The following ATRX variants were observed in gnomAD, a reference collection of about 807,000 sequenced individuals.
The protein encoded by ATRX is chromatin remodeler ATRX.
A neutral mutation model predicts 172.6 loss-of-function variants in ATRX; 12 were observed. The observed-to-expected ratio is 0.07, with a 90% CI of 0.04 to 0.11. The LOEUF is 0.11. ATRX is among the 10% of genes least tolerant of loss of function. The probability of loss-of-function intolerance (pLI) is 1.00; values close to 1 mark genes in which losing one functional copy is unlikely to be tolerated. For synonymous variants in ATRX, 674 were observed against 594.7 expected (o/e 1.13, Z -1.94); for missense variants, 1,368 against 1,767.4 (o/e 0.77, Z 4.05).
chrX:77,741,439 T>TG lies in ATRX; in HGVS notation c.21-24197_21-24196insC, dbSNP rs2074863903. On this transcript the variant is annotated intron_variant, in intron 1 of 34. Transcript: ENST00000373344. ...TATTCTCTTGATAGTGACCTTTTTT[T>TG]TGGGGGGGGGATTGCTTCATTTTGT... Among the ~76,000 whole-genome samples, 383 of 104,513 alleles carry TG rather than the reference T, an allele frequency of 3.7e-3. 5 individuals carry two copies. Among genetic ancestry groups the TG allele is most frequent in the Admixed American group, 7.4e-3 (71 of 9,614 alleles). 90.8% of individuals were successfully genotyped at this position (104,513 alleles called of 115,157 possible).
chrX:77,766,493 C>G (rs2075945551), intron 1 of ATRX, among the ~76,000 whole-genome samples: 1 of 108,653 alleles, frequency 9.2e-6, no homozygotes, highest in African/African-American at 3.4e-5. Context: ...AGGGTCTCCT[C>G]ACTTCTCAGA....
chrX:77,627,808 G>C (rs1602947024), intron 19 of ATRX, among the ~76,000 whole-genome samples: 1 of 110,367 alleles, frequency 9.1e-6, no homozygotes, highest in Admixed American at 9.7e-5. Flanking sequence ...TGAAGCTACA[G>C]TGAGCTATAA....
intron 34 of ATRX, among the ~76,000 whole-genome samples, chrX:77,517,675 G>A (rs1475218767): frequency 9.0e-6 from 1 of 111,614 alleles, no homozygotes; most frequent in Non-Finnish European, 1.9e-5. Flanking sequence ...ATTCTATAAG[G>A]CCAGTAACAC....
intron 1 of ATRX, among the ~76,000 whole-genome samples, chrX:77,758,875 A>G (rs570086680): frequency 4.2e-4 from 47 of 112,468 alleles, no homozygotes; most frequent in African/African-American, 1.4e-3. Context: ...ATATTCTTCT[A>G]AAACATCATT....
intron 30 of ATRX, among the ~76,000 whole-genome samples, chrX:77,534,917 C>T (rs1327337231): frequency 2.7e-5 from 3 of 110,668 alleles, no homozygotes; most frequent in African/African-American, 9.8e-5. Context: ...AGGGGGTTTG[C>T]CATGTTTCAA....
chrX:77,645,682 T>C (rs1054757180), intron 15 of ATRX, among the ~76,000 whole-genome samples: 1 of 112,298 alleles, frequency 8.9e-6, no homozygotes, highest in Non-Finnish European at 1.9e-5. Context: ...CAAAATTTTG[T>C]TTCATAACCT....
At chrX:77,672,397 G>T (rs2070670487) in intron 10 of ATRX, among the ~76,000 whole-genome samples, 1 of 110,672 alleles carries the variant, frequency 9.0e-6, no homozygotes. Flanking sequence ...CTGAAATCAG[G>T]TAAACAATCA....
intron 1 of ATRX, among the ~76,000 whole-genome samples, chrX:77,726,773 A>G (rs1034337036): frequency 9.1e-6 from 1 of 110,359 alleles, no homozygotes; most frequent in Non-Finnish European, 1.9e-5. Context: ...TCCTGATATT[A>G]GCTAACTAAA....
chrX:77,744,106 A>G, intron 1 of ATRX, among the ~76,000 whole-genome samples: 1 of 112,488 alleles, frequency 8.9e-6, no homozygotes, highest in Non-Finnish European at 1.9e-5. Context: ...GCTTGAGACC[A>G]GGAGTTCAAG....
At position 77,716,323 on chromosome X, in the gene ATRX, AAT is replaced by A. The variant is rs1292367303; in HGVS notation, c.133+806_133+807del. Among the ~76,000 whole-genome samples, 104 of 21,027 alleles carry A rather than the reference AAT, an allele frequency of 4.9e-3. 1 individual carries two copies. The highest frequency in any genetic ancestry group is 9.7e-3 in the African/African-American group (58 of 6,001). The allele number at this position is 21,027 out of a possible 115,157, so 18.3% of individuals were successfully genotyped here. A position where few individuals can be genotyped will look rare whatever the true frequency, so the allele number is the denominator to read the frequency against. ...CTTTAAAAAAAAAAAAAAAAAAAAA[AAT>A]ATATATATATATATATATATATATC... On this transcript the variant is annotated intron_variant, in intron 2 of 34. Transcript: ENST00000373344.
intron 9 of ATRX, 132 bp downstream of exon 9, chrX:77,681,385 ACTC>A (rs1446470772): frequency 2.4e-4 from 144 of 590,699 alleles, no homozygotes; most frequent in Non-Finnish European, 3.6e-4. Flanking sequence ...TTTTTAATAA[ACTC>A]CTAAATAATT....
chrX:77,630,653 A>T (rs2068066325), intron 19 of ATRX, among the ~76,000 whole-genome samples: 1 of 112,270 alleles, frequency 8.9e-6, no homozygotes, highest in African/African-American at 3.2e-5. Context: ...TAGTCTTTTC[A>T]ACAAATGGTG....
chrX:77,763,412 T>C (rs1316032807), intron 1 of ATRX, among the ~76,000 whole-genome samples: 1 of 103,980 alleles, frequency 9.6e-6, no homozygotes, highest in East Asian at 3.1e-4. Flanking sequence ...CCCAAAGTGC[T>C]GGATTACAGG....
Position 77,633,839 on chromosome X carries a change from A to G in ATRX, c.4810-127T>C, listed in dbSNP as rs1157966136. ...AACGGCCAGAATTTCCAAACCAGGCAAGGCACAGGGAAAGAGATAGTAAAA... is the reference window on the plus strand; with the variant it reads ...AACGGCCAGAATTTCCAAACCAGGCGAGGCACAGGGAAAGAGATAGTAAAA... On this transcript the variant is annotated intron_variant, in intron 17 of 34. Transcript: ENST00000373344. 8.5e-6 allele frequency: 6 copies of G among 705,763 alleles called. No individual in the cohort carries two copies. In the African/African-American group the frequency reaches 1.3e-4, roughly 15 times the overall value. The allele number at this position is 705,763 out of a possible 1,213,427, so 58.2% of individuals were successfully genotyped here.
At chrX:77,762,065 G>C (rs782339221) in intron 1 of ATRX, among the ~76,000 whole-genome samples, 1 of 110,470 alleles carries the variant, frequency 9.1e-6, no homozygotes, top group Admixed American at 9.8e-5. Context: ...CATTTTGGGA[G>C]GCCGAGGCGG....
intron 30 of ATRX, among the ~76,000 whole-genome samples, chrX:77,549,246 G>A (rs1306866093): frequency 1.8e-5 from 2 of 111,257 alleles, no homozygotes; most frequent in Non-Finnish European, 3.8e-5. Flanking sequence ...TTAGCCAGGC[G>A]TGGTGGCGCA....
rs1557145444 is a variant in ATRX at position 77,688,795 on chromosome X, A to T, written c.594+23T>A. 4 of 1,126,881 alleles carry T rather than the reference A, an allele frequency of 3.5e-6. No homozygotes were observed. In the South Asian group the frequency reaches 7.3e-5, roughly 20 times the overall value. The allele number at this position is 1,126,881 out of a possible 1,213,427, so 92.9% of individuals were successfully genotyped here. A position where few individuals can be genotyped will look rare whatever the true frequency, so the allele number is the denominator to read the frequency against. On this transcript the variant is annotated intron_variant, in intron 7 of 34. Coordinates refer to ENST00000373344, the MANE Select transcript of ATRX (RefSeq NM_000489.6). ...AAGCATTCAAATATTTACGGTATGA[A>T]ATATCAACAGATCATTACATACCTT...
chrX:77,543,445 A>T (rs781826752), intron 30 of ATRX, among the ~76,000 whole-genome samples: 1 of 112,163 alleles, frequency 8.9e-6, no homozygotes, highest in South Asian at 3.7e-4. Flanking sequence ...TGACTCAGCG[A>T]TCCCATTACT....
At chrX:77,563,702 CGTGTGTGTGT>C (rs201190876) in intron 28 of ATRX, among the ~76,000 whole-genome samples, 26 of 95,511 alleles carry the variant, frequency 2.7e-4, no homozygotes, top group Middle Eastern at 5.2e-3. Flanking sequence ...TGTGTACATG[CGTGTGTGTGT>C]GTGTGTGTGT....
Sources: allele counts gnomAD v4.1 joint callset (sites outside exome capture counted in the v4.1 genomes callset), GRCh38; gene constraint gnomAD v4.1.1; transcripts MANE v1.5; gene names NCBI Gene and HGNC (gene_info 2026-07-23, HGNC 2026-07-21).